The following BATF variants were observed in gnomAD, a reference collection of about 807,000 sequenced individuals.
BATF encodes the protein basic leucine zipper transcriptional factor ATF-like.
A neutral mutation model predicts 13.7 loss-of-function variants in BATF; 5 were observed. The ratio of observed to expected loss-of-function variants is 0.36; its 90% CI spans 0.19 to 0.77. BATF has a LOEUF of 0.77. Ranked by LOEUF, BATF falls within the 30% of genes least tolerant of loss-of-function variation. The probability of loss-of-function intolerance (pLI) is 0.51; values close to 1 mark genes in which losing one functional copy is unlikely to be tolerated. For missense variants in BATF, 124 were observed against 163.0 expected, an observed-to-expected ratio of 0.76 and a Z score of 1.30; for synonymous variants, 72 against 67.5, an observed-to-expected ratio of 1.07 and a Z score of -0.33.
intron 2 of BATF, among the ~76,000 whole-genome samples, chr14:75,527,028 T>G (rs1887663751): frequency 6.6e-6 from 1 of 152,242 alleles, no homozygotes; most frequent in African/African-American, 2.4e-5. Context: ...GAACAGGGAT[T>G]GAATCCCAGC....
intron 2 of BATF, among the ~76,000 whole-genome samples, 199 bp downstream of exon 2, chr14:75,525,387 G>T (rs996097256): frequency 8.6e-5 from 13 of 152,030 alleles, no homozygotes; most frequent in African/African-American, 3.1e-4. Context: ...TGTAGTCCGG[G>T]CGTGGTGGCT....
In BATF at chr14:75,536,413, A is replaced by G. The variant is rs556482845; in HGVS notation, c.169-10049A>G. ...CCAAGTTCAAGACCATAAGGGAGTGAGGAGGAACTCAGTAATAATGGCAAT... is the reference window on the plus strand; with the variant it reads ...CCAAGTTCAAGACCATAAGGGAGTGGGGAGGAACTCAGTAATAATGGCAAT... On this transcript the variant is annotated intron_variant, in intron 2 of 2. Transcript: ENST00000286639. 1.1e-3 allele frequency among the ~76,000 whole-genome samples: 169 copies of G among 152,266 alleles called. 1 individual carries two copies. The highest frequency in any genetic ancestry group is 1.2e-3 in the South Asian group (6 of 4,822).
chr14:75,544,999 T>C (rs1244877357), intron 2 of BATF, among the ~76,000 whole-genome samples: 1 of 152,112 alleles, frequency 6.6e-6, no homozygotes, highest in African/African-American at 2.4e-5. Flanking sequence ...GATTAATTAA[T>C]GATGTGATCA....
chr14:75,530,061 CAAAAA>C (rs56386431), intron 2 of BATF, among the ~76,000 whole-genome samples: 1 of 109,908 alleles, frequency 9.1e-6, no homozygotes, highest in Non-Finnish European at 1.8e-5. Context: ...GAGACTCCGT[CAAAAA>C]AAAAAAAAAA....
At chr14:75,536,098 G>C (rs756593081) in intron 2 of BATF, among the ~76,000 whole-genome samples, 3 of 152,174 alleles carry the variant, frequency 2.0e-5, no homozygotes, top group Non-Finnish European at 4.4e-5. Context: ...CTGATTTCAC[G>C]AACCTTACAG....
chr14:75,546,260 C>T (rs1440620022), intron 2 of BATF, among the ~76,000 whole-genome samples: 1 of 152,218 alleles, frequency 6.6e-6, no homozygotes, highest in African/African-American at 2.4e-5. Context: ...CACCCATGTG[C>T]TTACGTAAAC....
At position 75,546,805 on chromosome 14, in the gene BATF, T is replaced by A. The variant is rs558058124; in HGVS notation, c.*134T>A. On this transcript the variant is annotated 3_prime_UTR_variant, in exon 3 of 3. Coordinates refer to ENST00000286639, the MANE Select transcript of BATF (RefSeq NM_006399.5). ...CTGGACAAGGAGTGAACACGGGAAC[T>A]GTCACGACTGGAAGGGCGTGAGGCC... is the stretch of plus-strand genomic sequence containing the variant. 4.5e-4 allele frequency: 546 copies of A among 1,220,338 alleles called. 2 individuals are homozygous for A. In the African/African-American group the frequency reaches 7.9e-3, roughly 18 times the overall value. 75.6% of individuals were successfully genotyped at this position (1,220,338 alleles called of 1,614,324 possible).
chr14:75,525,288 A>G (rs1457529980), intron 2 of BATF, 100 bp downstream of exon 2: 10 of 1,264,150 alleles, frequency 7.9e-6, no homozygotes, highest in Non-Finnish European at 1.0e-5. Context: ...TTGTGTGGGG[A>G]TGTGTATGTG....
At chr14:75,546,184 C>T (rs1463767502) in intron 2 of BATF, among the ~76,000 whole-genome samples, 1 of 152,138 alleles carries the variant, frequency 6.6e-6, no homozygotes, top group African/African-American at 2.4e-5. Flanking sequence ...TCTTATAGGT[C>T]ACAACAGACA....
chr14:75,533,178 C>A (rs1004507996), intron 2 of BATF, among the ~76,000 whole-genome samples: 1 of 152,068 alleles, frequency 6.6e-6, no homozygotes. Flanking sequence ...CTGTAAAGAA[C>A]GACTGTTTGG....
intron 2 of BATF, among the ~76,000 whole-genome samples, chr14:75,532,845 A>G (rs1165749227): frequency 6.6e-6 from 1 of 152,220 alleles, no homozygotes; most frequent in Non-Finnish European, 1.5e-5. Flanking sequence ...CCTTTCACGT[A>G]AAATTTGTGG....
intron 1 of BATF, 29 bp downstream of exon 1, chr14:75,522,774 C>T (rs776271142): frequency 1.9e-6 from 3 of 1,613,080 alleles, no homozygotes; most frequent in African/African-American, 2.7e-5. Context: ...TCTCTCCTAC[C>T]TTCTGATTCT....
At chr14:75,526,484 T>C (rs1052286451) in intron 2 of BATF, among the ~76,000 whole-genome samples, 2 of 152,238 alleles carry the variant, frequency 1.3e-5, no homozygotes, top group African/African-American at 4.8e-5. Flanking sequence ...GTGTTAACCG[T>C]ATCAAGAATA....
At chr14:75,528,457 A>G (rs1274863067) in intron 2 of BATF, among the ~76,000 whole-genome samples, 1 of 152,250 alleles carries the variant, frequency 6.6e-6, no homozygotes, top group Non-Finnish European at 1.5e-5. Context: ...TTAAAAATTG[A>G]CAGAGTAGGG....
rs112822590 is a variant in BATF, at chr14:75,543,180, T to C, written c.169-3282T>C. Among the ~76,000 whole-genome samples the C allele has an allele frequency of 9.7e-4, 148 of 152,302 alleles. 1 individual carries two copies. The highest frequency in any genetic ancestry group is 3.5e-3 in the African/African-American group (145 of 41,566). ...TTCGGTAAAGAGGGGATGCCCTCCT[T>C]CTGGGATGTGCCAGGAAATACCCAA... On this transcript the variant is annotated intron_variant, in intron 2 of 2. Coordinates refer to ENST00000286639, the MANE Select transcript of BATF (RefSeq NM_006399.5).
At position 75,546,676 on chromosome 14, in the gene BATF, C is replaced by T; in HGVS notation, c.*5C>T. The T allele has an allele frequency of 6.3e-7, 1 of 1,583,110 alleles. No homozygotes were observed. Among genetic ancestry groups the T allele is most frequent in the East Asian group, 2.3e-5 (1 of 43,208 alleles). ...TCCCCGCGCTTCCAGCCCTGAGCTT[C>T]CGATGCGGGGAGAGCAGAGCCTCGG... On this transcript the variant is annotated 3_prime_UTR_variant, in exon 3 of 3. Transcript: ENST00000286639.
chr14:75,534,072 G>A (rs1216353213), intron 2 of BATF, among the ~76,000 whole-genome samples: 2 of 152,218 alleles, frequency 1.3e-5, no homozygotes, highest in African/African-American at 2.4e-5. Context: ...AAGAGAGTGA[G>A]TCCAAACTTG....
At chr14:75,545,620 T>A (rs183196037) in intron 2 of BATF, among the ~76,000 whole-genome samples, 1 of 152,218 alleles carries the variant, frequency 6.6e-6, no homozygotes, top group African/African-American at 2.4e-5. Context: ...TAAGACGAAA[T>A]GCAGACACCG....
At chr14:75,529,695 T>C (rs1007232919) in intron 2 of BATF, among the ~76,000 whole-genome samples, 15 of 152,124 alleles carry the variant, frequency 9.9e-5, no homozygotes, top group African/African-American at 3.6e-4. Context: ...CTGTAATACA[T>C]ATGACCAAAA....
Sources: allele counts gnomAD v4.1 joint callset (sites outside exome capture counted in the v4.1 genomes callset), GRCh38; gene constraint gnomAD v4.1.1; transcripts MANE v1.5; gene names NCBI Gene and HGNC (gene_info 2026-07-23, HGNC 2026-07-21).